The following SLC16A2 variants were observed in gnomAD, a reference collection of about 807,000 sequenced individuals.
SLC16A2 encodes solute carrier family 16 member 2.
A neutral mutation model predicts 27.2 loss-of-function variants in SLC16A2; 3 were observed. The observed-to-expected ratio is 0.11, with a 90% CI of 0.05 to 0.28. SLC16A2 has a LOEUF of 0.28. Ranked by LOEUF, SLC16A2 falls within the 10% of genes least tolerant of loss-of-function variation. The pLI, the probability that SLC16A2 is intolerant of heterozygous loss-of-function variation, is 1.00. For missense variants in SLC16A2, 295 were observed against 458.5 expected, an observed-to-expected ratio of 0.64 and a Z score of 3.26; for synonymous variants, 202 against 187.8, an observed-to-expected ratio of 1.08 and a Z score of -0.62.
chrX:74,474,000 C>A, intron 1 of SLC16A2: 1 of 224,984 alleles, frequency 4.4e-6, no homozygotes. Flanking sequence ...TCAGCAGTGT[C>A]CATGGGCAGA....
chrX:74,477,973 G>A (rs1318547088), intron 1 of SLC16A2, among the ~76,000 whole-genome samples: 5 of 112,131 alleles, frequency 4.5e-5, no homozygotes, highest in African/African-American at 1.6e-4. Flanking sequence ...GTTGATTTGG[G>A]TTGGAGAGTT....
At chrX:74,529,855 A>G (rs1342107329) in intron 5 of SLC16A2, among the ~76,000 whole-genome samples, 1 of 107,503 alleles carries the variant, frequency 9.3e-6, no homozygotes, top group Non-Finnish European at 1.9e-5. Context: ...AAACCTAGGG[A>G]CATCCTCCTC....
intron 1 of SLC16A2, among the ~76,000 whole-genome samples, chrX:74,493,202 C>G: frequency 8.9e-6 from 1 of 112,009 alleles, no homozygotes; most frequent in Middle Eastern, 4.6e-3. Flanking sequence ...TTGGTTACTT[C>G]AGTCTAGCCT....
Position 74,531,684 on chromosome X carries a change from C to T in SLC16A2, c.*131C>T. 3.7e-6 allele frequency: 2 copies of T among 543,451 alleles called. No homozygotes were observed. The highest frequency in any genetic ancestry group is 4.9e-5 in the South Asian group (2 of 40,739). The allele number at this position is 543,451 out of a possible 1,213,427, so 44.8% of individuals were successfully genotyped here. On this transcript the variant is annotated 3_prime_UTR_variant, in exon 6 of 6. Transcript: ENST00000587091. ...CACAGCATTTCAGCCACCTGACAATCTCCTTGGAGTCAAAGCTCCAGGTGT... is the reference window on the plus strand; with the variant it reads ...CACAGCATTTCAGCCACCTGACAATTTCCTTGGAGTCAAAGCTCCAGGTGT...
rs12849411 is a variant in SLC16A2 at position 74,524,750 on chromosome X, A to C, written c.967A>C (p.Ile323Leu). The change falls in exon 3 of 6, where the codon ATC (isoleucine) becomes CTC (leucine). Residue 323 changes from isoleucine (I) to leucine (L), a missense_variant. Coordinates refer to ENST00000587091, the MANE Select transcript of SLC16A2 (RefSeq NM_006517.5). Reference sequence around the variant, plus strand: ...AGTGTTCCGCCAACGCACTTACCGCATCTGGGCCTTCGGAATTGCTGCTGC... The same window carrying C: ...AGTGTTCCGCCAACGCACTTACCGCCTCTGGGCCTTCGGAATTGCTGCTGC... Reference protein sequence around the residue: ...MRVFRQRTYRIWAFGIAAAAL... With the variant: ...MRVFRQRTYRLWAFGIAAAAL... 1 of 1,211,502 alleles carries C rather than the reference A, an allele frequency of 8.3e-7. No homozygotes were observed.
chrX:74,491,959 A>G (rs866987382), intron 1 of SLC16A2, among the ~76,000 whole-genome samples: 1 of 112,619 alleles, frequency 8.9e-6, no homozygotes, highest in Admixed American at 9.4e-5. Context: ...GATTTCTTCA[A>G]TCTGTCTAAC....
chrX:74,467,489 C>G (rs936201265), intron 1 of SLC16A2, among the ~76,000 whole-genome samples: 5 of 111,419 alleles, frequency 4.5e-5, no homozygotes, highest in African/African-American at 1.6e-4. Context: ...CTAGCACTCC[C>G]GCCCAAAGTA....
chrX:74,503,586 G>A (rs1424246782), intron 1 of SLC16A2, among the ~76,000 whole-genome samples: 2 of 111,704 alleles, frequency 1.8e-5, no homozygotes, highest in East Asian at 5.6e-4. Context: ...CCAAGTGTGT[G>A]AGGGCATGCC....
chrX:74,465,938 T>A (rs1470966453), intron 1 of SLC16A2, among the ~76,000 whole-genome samples: 1 of 110,905 alleles, frequency 9.0e-6, no homozygotes, highest in African/African-American at 3.3e-5. Flanking sequence ...CTCTCCTAGA[T>A]CAGAAAGAAC....
At chrX:74,459,677 ATCCTAG>A (rs1428933644) in intron 1 of SLC16A2, among the ~76,000 whole-genome samples, 1 of 111,275 alleles carries the variant, frequency 9.0e-6, no homozygotes, top group Non-Finnish European at 1.9e-5. Context: ...TCCCTCTCCT[ATCCTAG>A]TCCCAATAGT....
intron 1 of SLC16A2, among the ~76,000 whole-genome samples, chrX:74,441,321 A>G (rs780617927): frequency 9.0e-6 from 1 of 111,433 alleles, no homozygotes; most frequent in African/African-American, 3.3e-5. Context: ...GGCCTCCCAA[A>G]GTGCTGGGAA....
chrX:74,524,985 G>C (rs1319319065), intron 3 of SLC16A2, among the ~76,000 whole-genome samples, 176 bp downstream of exon 3: 1 of 111,635 alleles, frequency 9.0e-6, no homozygotes, highest in Non-Finnish European at 1.9e-5. Context: ...GAGGTTGAGG[G>C]AAGACCTTAG....
chrX:74,453,288 G>A (rs1474414589), intron 1 of SLC16A2, among the ~76,000 whole-genome samples: 1 of 110,979 alleles, frequency 9.0e-6, no homozygotes, highest in Non-Finnish European at 1.9e-5. Context: ...ACCCACCTCA[G>A]CCTCCCAAAG....
chrX:74,524,476 C>T lies in SLC16A2; in HGVS notation c.693C>T (p.Ala231=). 1 of 1,211,984 alleles carries T rather than the reference C, an allele frequency of 8.3e-7. No individual in the cohort carries two copies. Among genetic ancestry groups the T allele is most frequent in the East Asian group, 3.0e-5 (1 of 33,859 alleles). ...GHYFQRRLGL[A]NGVVSAGSSI... is the part of the protein sequence containing the mutation. The stretch of plus-strand genomic sequence containing the variant: ...ACTTTCAACGCCGCCTGGGTCTGGC[C>T]AATGGTGTGGTGTCTGCTGGGAGTA... Residue 231 remains alanine (A), a synonymous_variant, in exon 3 of 6, where the codon GCC becomes GCT. Coordinates refer to ENST00000587091, the MANE Select transcript of SLC16A2 (RefSeq NM_006517.5).
chrX:74,445,271 A>G (rs1928818267), intron 1 of SLC16A2, among the ~76,000 whole-genome samples: 1 of 111,167 alleles, frequency 9.0e-6, no homozygotes, highest in African/African-American at 3.3e-5. Context: ...ATTCGCTATT[A>G]AGATAACCAT....
chrX:74,525,419 C>T (rs1308355510), intron 3 of SLC16A2, among the ~76,000 whole-genome samples: 1 of 111,645 alleles, frequency 9.0e-6, no homozygotes, highest in Admixed American at 9.5e-5. Context: ...TTTGATGTTG[C>T]CCTAGGCTGT....
At chrX:74,431,813 T>C (rs1040267659) in intron 1 of SLC16A2, among the ~76,000 whole-genome samples, 7 of 111,514 alleles carry the variant, frequency 6.3e-5, no homozygotes, top group African/African-American at 2.3e-4. Context: ...TTATTATTAT[T>C]ATCCTTTTCC....
At chrX:74,494,296 T>C (rs938407598) in intron 1 of SLC16A2, among the ~76,000 whole-genome samples, 5 of 111,822 alleles carry the variant, frequency 4.5e-5, no homozygotes, top group Non-Finnish European at 9.4e-5. Flanking sequence ...ATTTCAAGCC[T>C]ATACACAAGT....
chrX:74,435,655 A>G (rs772482652), intron 1 of SLC16A2, among the ~76,000 whole-genome samples: 52 of 106,256 alleles, frequency 4.9e-4, no homozygotes, highest in Non-Finnish European at 8.5e-4. Flanking sequence ...TGGAATAAAA[A>G]TTTTCCTAAA....
Sources: gnomAD v4.1 joint callset for allele counts (sites outside exome capture counted in the v4.1 genomes callset) on GRCh38, gnomAD v4.1.1 for gene constraint, MANE v1.5 for transcripts, NCBI Gene and HGNC (gene_info 2026-07-23, HGNC 2026-07-21) for gene names.